RBFOX1: variants seen among roughly 807,000 people sequenced by gnomAD.
RBFOX1 encodes the protein RNA binding protein fox-1 homolog 1.
RBFOX1 carries 8 observed loss-of-function variants against 57.7 expected under a neutral mutation model. That is an observed-to-expected ratio of 0.14 (90% CI 0.08 to 0.25). The LOEUF (loss-of-function observed/expected upper bound fraction) is 0.25. Ranked by LOEUF, RBFOX1 falls within the 10% of genes least tolerant of loss-of-function variation. The pLI, the probability that RBFOX1 is intolerant of heterozygous loss-of-function variation, is 1.00. For synonymous variants in RBFOX1, 326 were observed against 222.4 expected, an observed-to-expected ratio of 1.47 and a Z score of -4.15; for missense variants, 611 against 548.5, an observed-to-expected ratio of 1.11 and a Z score of -1.14.
chr16:5,815,255 A>C (rs539234177), intron 3 of RBFOX1, among the ~76,000 whole-genome samples: 145 of 148,452 alleles, frequency 9.8e-4, no homozygotes, highest in African/African-American at 3.5e-3. Flanking sequence ...CAGCCTCCCA[A>C]AGTGCTGGGA....
At chr16:7,262,547 A>T (rs1480609054) in intron 4 of RBFOX1, among the ~76,000 whole-genome samples, 1 of 152,238 alleles carries the variant, frequency 6.6e-6, no homozygotes, top group Non-Finnish European at 1.5e-5. Flanking sequence ...ATAGCACCCC[A>T]CTTTGTGGGG....
intron 1 of RBFOX1, among the ~76,000 whole-genome samples, chr16:5,311,857 C>G (rs900446779): frequency 5.9e-5 from 9 of 152,186 alleles, no homozygotes; most frequent in African/African-American, 1.7e-4. Flanking sequence ...CCAGTTGTGC[C>G]TGGGAAGTAG....
At position 7,098,580 on chromosome 16, in the gene RBFOX1, C is replaced by T. The variant is rs187905845; in HGVS notation, c.27+46482C>T. Among the ~76,000 whole-genome samples the T allele has an allele frequency of 1.3e-3, 195 of 152,238 alleles. 1 individual carries two copies. The highest frequency in any genetic ancestry group is 0.01 in the Middle Eastern group (3 of 294). ...ATCAGCACCCTTAAACATATACATT[C>T]GGTTATAATGTATTGGTAATAACAC... On this transcript the variant is annotated intron_variant, in intron 4 of 15. Transcript: ENST00000550418.
At position 7,013,812 on chromosome 16, in the gene RBFOX1, C is replaced by T. The variant is rs917047014; in HGVS notation, c.-15-38245C>T. Among the ~76,000 whole-genome samples, 4 of 152,082 alleles carry T rather than the reference C, an allele frequency of 2.6e-5. No individual in the cohort carries two copies. In the East Asian group the frequency reaches 5.8e-4, roughly 22 times the overall value. ...AGGTGGAACTACAGGTGTGCACCAA[C>T]ATGCCCAGTTAATTTTTTAAAAACT... On this transcript the variant is annotated intron_variant, in intron 3 of 15. Coordinates refer to ENST00000550418, the MANE Select transcript of RBFOX1 (RefSeq NM_018723.4).
At chr16:6,348,493 T>C (rs1385063864) in intron 2 of RBFOX1, among the ~76,000 whole-genome samples, 2 of 152,144 alleles carry the variant, frequency 1.3e-5, no homozygotes, top group African/African-American at 4.8e-5. Context: ...AGCCTGTTCT[T>C]GCACTGCTAT....
chr16:7,107,200 G>A (rs972342345), intron 4 of RBFOX1, among the ~76,000 whole-genome samples: 9 of 152,156 alleles, frequency 5.9e-5, no homozygotes, highest in African/African-American at 2.2e-4. Flanking sequence ...AGATTGCTGG[G>A]TTCAAAGACT....
At chr16:6,865,661 G>T (rs749076936) in intron 3 of RBFOX1, among the ~76,000 whole-genome samples, 1 of 152,116 alleles carries the variant, frequency 6.6e-6, no homozygotes, top group Non-Finnish European at 1.5e-5. Context: ...TGATGACAAC[G>T]TAGTAATCCC....
intron 5 of RBFOX1, among the ~76,000 whole-genome samples, chr16:7,544,220 G>A (rs2083782015): frequency 6.6e-6 from 1 of 152,180 alleles, no homozygotes; most frequent in Non-Finnish European, 1.5e-5. Flanking sequence ...GTTACTTGAT[G>A]GTGATGTCTT....
At chr16:6,780,240 TTTAC>T (rs1465517383) in intron 3 of RBFOX1, among the ~76,000 whole-genome samples, 2 of 74,980 alleles carry the variant, frequency 2.7e-5, no homozygotes, top group African/African-American at 1.4e-4. Flanking sequence ...TTTATATATA[TTTAC>T]ATATATATTT....
At chr16:6,628,489 C>G (rs896034999) in intron 2 of RBFOX1, among the ~76,000 whole-genome samples, 3 of 152,166 alleles carry the variant, frequency 2.0e-5, no homozygotes, top group Non-Finnish European at 4.4e-5. Context: ...TAAGATGTTA[C>G]AATTCACATT....
intron 3 of RBFOX1, among the ~76,000 whole-genome samples, chr16:5,739,386 G>C (rs112108327): frequency 3.9e-5 from 6 of 152,226 alleles, no homozygotes; most frequent in African/African-American, 1.2e-4. Context: ...AAACAGACAA[G>C]AATCTGTGCC....
At chr16:6,133,772 A>T (rs771195906) in intron 1 of RBFOX1, among the ~76,000 whole-genome samples, 2 of 152,002 alleles carry the variant, frequency 1.3e-5, no homozygotes, top group Non-Finnish European at 2.9e-5. Flanking sequence ...ACCCTGGTCT[A>T]TCCTGCCACA....
chr16:7,686,473 C>A (rs560097945), intron 14 of RBFOX1, among the ~76,000 whole-genome samples: 1 of 152,070 alleles, frequency 6.6e-6, no homozygotes, highest in Admixed American at 6.6e-5. Flanking sequence ...ATAAACCCAG[C>A]CTTCGAACTA....
chr16:6,603,058 C>A (rs1342867733), intron 2 of RBFOX1, among the ~76,000 whole-genome samples: 1 of 152,194 alleles, frequency 6.6e-6, no homozygotes, highest in Non-Finnish European at 1.5e-5. Flanking sequence ...ATTGTCTACT[C>A]TTCATCCTAG....
intron 5 of RBFOX1, among the ~76,000 whole-genome samples, chr16:7,522,549 GGTGGGCATTGCCC>G (rs1315505113): frequency 6.6e-6 from 1 of 152,288 alleles, no homozygotes; most frequent in Non-Finnish European, 1.5e-5. Context: ...TGTTGGAGTG[GGTGGGCATTGCCC>G]GTTATAAATA....
intron 2 of RBFOX1, among the ~76,000 whole-genome samples, chr16:6,356,684 C>G (rs770921835): frequency 6.6e-6 from 1 of 152,094 alleles, no homozygotes; most frequent in Non-Finnish European, 1.5e-5. Context: ...ATACCATTAC[C>G]GTGGTATCCT....
intron 2 of RBFOX1, among the ~76,000 whole-genome samples, chr16:6,460,359 A>G (rs2094888739): frequency 6.6e-6 from 1 of 152,162 alleles, no homozygotes; most frequent in Admixed American, 6.5e-5. Flanking sequence ...CCGTCTGACA[A>G]AGGTCTAATA....
chr16:5,650,382 C>G (rs2049196980), intron 3 of RBFOX1, among the ~76,000 whole-genome samples: 1 of 151,754 alleles, frequency 6.6e-6, no homozygotes, highest in Admixed American at 6.6e-5. Flanking sequence ...CGTCGAGGGC[C>G]TCCTCCATCA....
Position 7,504,793 on chromosome 16 carries a change from ATATATATATT to A in RBFOX1, c.28-13344_28-13335del, listed in dbSNP as rs1310578200. On this transcript the variant is annotated intron_variant, in intron 4 of 15. Transcript: ENST00000550418. ...TATTTATATATATATATATTTATAT[ATATATATATT>A]TATATATATATATATAGTGACTAAC... 4.2e-3 allele frequency among the ~76,000 whole-genome samples: 116 copies of A among 27,826 alleles called. 11 individuals are homozygous for A. The highest frequency in any genetic ancestry group is 8.9e-3 in the African/African-American group (111 of 12,430). The allele number at this position is 27,826 out of a possible 152,430, so 18.3% of individuals were successfully genotyped here.
Sources: gnomAD v4.1 joint callset for allele counts (sites outside exome capture counted in the v4.1 genomes callset) on GRCh38, gnomAD v4.1.1 for gene constraint, MANE v1.5 for transcripts, NCBI Gene and HGNC (gene_info 2026-07-23, HGNC 2026-07-21) for gene names.